GABRB1: variants seen among roughly 807,000 people sequenced by gnomAD.
GABRB1 encodes gamma-aminobutyric acid type A receptor subunit beta1, also known as gamma-aminobutyric acid receptor subunit beta-1.
Under a neutral mutation model 51.6 loss-of-function variants are expected in GABRB1, and 17 were observed. The ratio of observed to expected loss-of-function variants is 0.33; its 90% CI spans 0.23 to 0.49. The LOEUF (loss-of-function observed/expected upper bound fraction) is 0.49, where lower values mean the gene tolerates loss of function less well. Ranked by LOEUF, GABRB1 falls within the 20% of genes least tolerant of loss-of-function variation. The probability of loss-of-function intolerance (pLI) is 0.99; values close to 1 mark genes in which losing one functional copy is unlikely to be tolerated. For missense variants in GABRB1, 410 were observed against 600.6 expected (o/e 0.68, Z 3.32); for synonymous variants, 247 against 218.9 (o/e 1.13, Z -1.14).
chr4:47,327,819 T>G (rs1342066387), intron 5 of GABRB1, among the ~76,000 whole-genome samples: 1 of 152,198 alleles, frequency 6.6e-6, no homozygotes, highest in Non-Finnish European at 1.5e-5. Context: ...TCTACAAAAA[T>G]AGCATGTGAT....
chr4:47,320,193 C>T lies in GABRB1; in HGVS notation c.528C>T (p.Thr176=). Residue 176 remains threonine (T), a synonymous_variant, in exon 5 of 9, where the codon ACC becomes ACT. Transcript: ENST00000295454. ...ATCCATTGGATGAGCAGAACTGCAC[C>T]CTGGAGATCGAAAGTTGTGAGTTAC... is the stretch of plus-strand genomic sequence containing the variant. ...RRYPLDEQNC[T]LEIESYGYTT... The T allele has an allele frequency of 6.3e-7, 1 of 1,599,070 alleles. No individual in the cohort carries two copies. The highest frequency in any genetic ancestry group is 1.1e-5 in the South Asian group (1 of 90,806).
At chr4:47,059,839 A>C (rs1213125800) in intron 3 of GABRB1, among the ~76,000 whole-genome samples, 1 of 152,202 alleles carries the variant, frequency 6.6e-6, no homozygotes, top group African/African-American at 2.4e-5. Context: ...TCCTCCAGAT[A>C]GTAAGCCTCT....
chr4:47,308,392 T>C (rs1484501120), intron 4 of GABRB1, among the ~76,000 whole-genome samples: 2 of 152,108 alleles, frequency 1.3e-5, no homozygotes, highest in African/African-American at 4.8e-5. Context: ...GAATAGAAAG[T>C]AAATGTCTTG....
intron 4 of GABRB1, among the ~76,000 whole-genome samples, chr4:47,179,007 G>A (rs1173670928): frequency 6.6e-6 from 1 of 151,846 alleles, no homozygotes; most frequent in East Asian, 1.9e-4. Flanking sequence ...GGATACATGT[G>A]CAGAACATGC....
intron 3 of GABRB1, among the ~76,000 whole-genome samples, chr4:47,123,740 T>TATATATATATA (rs1332989676): frequency 2.2e-5 from 2 of 89,618 alleles, no homozygotes; most frequent in African/African-American, 9.2e-5. Context: ...TCATATATTA[T>TATATATATATA]TATATATATA....
At chr4:47,211,214 C>T (rs918577252) in intron 4 of GABRB1, among the ~76,000 whole-genome samples, 29 of 152,236 alleles carry the variant, frequency 1.9e-4, no homozygotes, top group African/African-American at 5.8e-4. Context: ...TTATGACATC[C>T]TTATCTACTC....
At chr4:47,082,821 T>C (rs1727906287) in intron 3 of GABRB1, among the ~76,000 whole-genome samples, 1 of 152,154 alleles carries the variant, frequency 6.6e-6, no homozygotes. Flanking sequence ...TAGATTCGCA[T>C]GTCTGGAGAA....
Position 47,083,487 on chromosome 4 carries a change from C to T in GABRB1, c.240+51003C>T, listed in dbSNP as rs182373359. Among the ~76,000 whole-genome samples the T allele has an allele frequency of 2.7e-4, 41 of 152,190 alleles. 1 individual carries two copies. Among genetic ancestry groups the T allele is most frequent in the Admixed American group, 2.5e-3 (38 of 15,270 alleles). On this transcript the variant is annotated intron_variant, in intron 3 of 8. Transcript: ENST00000295454. ...CTTATAAAGCCCAAGAGTATATATT[C>T]TTCCAATTTTTTCATTGCTTATCAT...
chr4:47,048,842 AG>A (rs1726216069), intron 3 of GABRB1, among the ~76,000 whole-genome samples: 1 of 152,070 alleles, frequency 6.6e-6, no homozygotes, highest in Non-Finnish European at 1.5e-5. Context: ...CTTTCCCTTT[AG>A]AGTTTCCTCT....
chr4:47,298,251 C>T (rs1297321611), intron 4 of GABRB1, among the ~76,000 whole-genome samples: 1 of 151,024 alleles, frequency 6.6e-6, no homozygotes, highest in African/African-American at 2.4e-5. Flanking sequence ...GGCAATTAGG[C>T]AGAAGGAAAT....
At chr4:47,148,112 A>G (rs978372542) in intron 3 of GABRB1, among the ~76,000 whole-genome samples, 3 of 152,086 alleles carry the variant, frequency 2.0e-5, no homozygotes, top group Non-Finnish European at 4.4e-5. Context: ...ACCAAACTAG[A>G]TAGTAGCAAG....
At chr4:47,334,786 T>C (rs1421503211) in intron 5 of GABRB1, among the ~76,000 whole-genome samples, 1 of 152,196 alleles carries the variant, frequency 6.6e-6, no homozygotes, top group Non-Finnish European at 1.5e-5. Flanking sequence ...ATGTAAATCT[T>C]TCTCAACACA....
rs1189774993 is a variant in GABRB1, at chr4:47,019,944, A to ATACGTG, written c.-19-11968_-19-11967insCGTGTA. On this transcript the variant is annotated intron_variant, in intron 1 of 3. Coordinates refer to the GABRB1 transcript ENST00000513567. ...TATACGTATATGTATACGTATATGT[A>ATACGTG]TATGTATATGTATATATATTTTGTA... Among the ~76,000 whole-genome samples the ATACGTG allele has an allele frequency of 4.0e-3, 607 of 150,710 alleles. 1 individual carries two copies. Among genetic ancestry groups the ATACGTG allele is most frequent in the African/African-American group, 0.014 (571 of 40,972 alleles).
At chr4:47,124,056 C>T (rs1716001024) in intron 3 of GABRB1, among the ~76,000 whole-genome samples, 1 of 144,870 alleles carries the variant, frequency 6.9e-6, no homozygotes, top group South Asian at 2.1e-4. Context: ...TATATATACA[C>T]ATCTAACTAT....
chr4:47,394,510 C>T (rs1728113517), intron 5 of GABRB1, among the ~76,000 whole-genome samples: 1 of 152,052 alleles, frequency 6.6e-6, no homozygotes, highest in African/African-American at 2.4e-5. Flanking sequence ...ACCCCAGCCC[C>T]ATATAAAGGT....
rs375411442 is a variant in GABRB1, at chr4:47,089,527, C to T, written c.240+57043C>T. Among the ~76,000 whole-genome samples, 32 of 152,190 alleles carry T rather than the reference C, an allele frequency of 2.1e-4. 1 individual carries two copies. The highest frequency in any genetic ancestry group is 7.2e-4 in the African/African-American group (30 of 41,514). On this transcript the variant is annotated intron_variant, in intron 3 of 8. Transcript: ENST00000295454. ...ACGAGAGCACATCTCTCTCTCTCTC[C>T]TCTCTCTAGCATTTTTCTATCTATT...
intron 4 of GABRB1, among the ~76,000 whole-genome samples, chr4:47,241,796 T>C (rs7695365): frequency 0.34 from 51,300 of 152,064 alleles, 8,989 homozygotes; most frequent in African/African-American, 0.36. Context: ...ATAGGTCTGG[T>C]TCCTTAAGAA....
Position 47,403,365 on chromosome 4 carries a change from G to A in GABRB1, c.592G>A (p.Gly198Arg). ...TGAATTTTACTGGAATGGAGGAGAA[G>A]GGGCAGTCACTGGTGTTAATAAAAT... Reference protein sequence around the residue: ...DIEFYWNGGEGAVTGVNKIEL... With the variant: ...DIEFYWNGGERAVTGVNKIEL... Residue 198 changes from glycine to arginine, a missense_variant, in exon 6 of 9, where the codon GGG becomes AGG. By Grantham distance (125) the Gly-to-Arg change is moderately radical. Coordinates refer to ENST00000295454, the MANE Select transcript of GABRB1 (RefSeq NM_000812.4). 6.2e-7 allele frequency: 1 copy of A among 1,614,016 alleles called. No homozygotes were observed. The highest frequency in any genetic ancestry group is 8.5e-7 in the Non-Finnish European group (1 of 1,179,906).
intron 4 of GABRB1, among the ~76,000 whole-genome samples, chr4:47,193,720 A>AT (rs1472458433): frequency 6.6e-6 from 1 of 152,228 alleles, no homozygotes; most frequent in African/African-American, 2.4e-5. Context: ...CTTTATCAAT[A>AT]TAATAACTTT....
Sources: allele counts gnomAD v4.1 joint callset (sites outside exome capture counted in the v4.1 genomes callset), GRCh38; gene constraint gnomAD v4.1.1; transcripts MANE v1.5; gene names NCBI Gene and HGNC (gene_info 2026-07-23, HGNC 2026-07-21).